The following UBTD2 variants were observed in gnomAD, a reference collection of about 807,000 sequenced individuals.
UBTD2 encodes ubiquitin domain containing 2.
In UBTD2, 9 loss-of-function variants were observed where a neutral mutation model predicts 19.8. The observed-to-expected ratio is 0.46, with a 90% CI of 0.27 to 0.79. UBTD2 has a LOEUF of 0.79. Among genes scored for constraint, UBTD2 ranks in the 30% least tolerant of loss-of-function variants. The pLI is 0.14. For synonymous variants in UBTD2, 98 were observed against 103.9 expected (o/e 0.94, Z 0.35); for missense variants, 250 against 300.4 (o/e 0.83, Z 1.24).
chr5:172,265,824 G>A (rs1329444152), intron 1 of UBTD2, among the ~76,000 whole-genome samples: 3 of 152,072 alleles, frequency 2.0e-5, no homozygotes, highest in African/African-American at 7.2e-5. Flanking sequence ...GGGGGAAGAC[G>A]GGAAGCATAT....
chr5:172,244,239 G>T, intron 1 of UBTD2, among the ~76,000 whole-genome samples: 1 of 148,364 alleles, frequency 6.7e-6, no homozygotes. Context: ...TTAAAAGAAT[G>T]TTAAATTTTA....
chr5:172,232,401 T>C (rs749918344), intron 2 of UBTD2, among the ~76,000 whole-genome samples: 3 of 150,568 alleles, frequency 2.0e-5, no homozygotes, highest in Non-Finnish European at 2.9e-5. Context: ...TATACATGTA[T>C]AGAAAAAGTG....
chr5:172,269,592 C>A (rs180700720), intron 1 of UBTD2, among the ~76,000 whole-genome samples: 1 of 151,710 alleles, frequency 6.6e-6, no homozygotes, highest in Non-Finnish European at 1.5e-5. Flanking sequence ...GAAATTGAGT[C>A]GCACACAGCT....
At chr5:172,268,616 C>T (rs7723837) in intron 1 of UBTD2, among the ~76,000 whole-genome samples, 45,672 of 151,890 alleles carry the variant, frequency 0.3, 6,991 homozygotes, top group South Asian at 0.42. Flanking sequence ...GGCATGGTGG[C>T]GCACACCTGT....
chr5:172,233,960 T>G, intron 2 of UBTD2, among the ~76,000 whole-genome samples, 162 bp downstream of exon 2: 1 of 151,964 alleles, frequency 6.6e-6, no homozygotes, highest in South Asian at 2.1e-4. Flanking sequence ...TGTCTCCAGC[T>G]GAAAGATGTA....
intron 1 of UBTD2, among the ~76,000 whole-genome samples, chr5:172,237,423 A>G (rs1342263425): frequency 6.6e-6 from 1 of 152,204 alleles, no homozygotes; most frequent in African/African-American, 2.4e-5. Context: ...CATGCTGTCA[A>G]AAGTTTCACG....
At position 172,263,849 on chromosome 5, in the gene UBTD2, C is replaced by CTGTGTGTGTGTGTGTGTGTGTGTG. The variant is rs1234224827; in HGVS notation, c.70+19746_70+19747insCACACACACACACACACACACACA. Among the ~76,000 whole-genome samples the CTGTGTGTGTGTGTGTGTGTGTGTG allele has an allele frequency of 8.8e-5, 3 of 34,142 alleles. No homozygotes were observed. In the African/African-American group the frequency reaches 9.0e-4, roughly 10 times the overall value. 22.4% of individuals were successfully genotyped at this position (34,142 alleles called of 152,430 possible). A position where few individuals can be genotyped will look rare whatever the true frequency, so the allele number is the denominator to read the frequency against. ...TCCCCCCAAGATACAATGCACGTGC[C>CTGTGTGTGTGTGTGTGTGTGTGTG]TCTGTGTGTGTGTGTGTGTGTGTGT... On this transcript the variant is annotated intron_variant, in intron 1 of 2. Coordinates refer to ENST00000393792, the MANE Select transcript of UBTD2 (RefSeq NM_152277.3).
rs1288796509 is a variant in UBTD2, at chr5:172,283,502, C to T, written c.70+94G>A. On this transcript the variant is annotated intron_variant, in intron 1 of 2. Transcript: ENST00000393792. The surrounding 1 kb of genome is among the most constrained non-coding windows in gnomAD (Gnocchi z 4.3). ...TGGAAGAGGGGATGACAAAGGGGCG[C>T]GGGGGCCCGGCGCGGCCCGCGGGGG... The T allele has an allele frequency of 4.0e-6, 4 of 999,666 alleles. No homozygotes were observed. Among genetic ancestry groups the T allele is most frequent in the Admixed American group, 4.4e-5 (1 of 22,588 alleles). The allele number at this position is 999,666 out of a possible 1,614,324, so 61.9% of individuals were successfully genotyped here.
At chr5:172,215,399 C>A (rs997205899) in intron 2 of UBTD2, among the ~76,000 whole-genome samples, 1 of 152,152 alleles carries the variant, frequency 6.6e-6, no homozygotes, top group African/African-American at 2.4e-5. Context: ...CCCTTCTAGC[C>A]ATCTTGTCCC....
rs138745959 is a variant in UBTD2, at chr5:172,247,818, A to G, written c.71-13460T>C. 1.8e-3 allele frequency among the ~76,000 whole-genome samples: 279 copies of G among 152,334 alleles called. 3 individuals are homozygous for G. The highest frequency in any genetic ancestry group is 6.5e-3 in the African/African-American group (269 of 41,580). Reference sequence around the variant, plus strand: ...TAAGCAAACTGGAGACTTGAACACTATAAACCAACTAGACTTAACTGACAT... The same window carrying G: ...TAAGCAAACTGGAGACTTGAACACTGTAAACCAACTAGACTTAACTGACAT... On this transcript the variant is annotated intron_variant, in intron 1 of 2. Coordinates refer to ENST00000393792, the MANE Select transcript of UBTD2 (RefSeq NM_152277.3).
chr5:172,221,092 GATAAA>G (rs1771641304), intron 2 of UBTD2, among the ~76,000 whole-genome samples: 1 of 152,174 alleles, frequency 6.6e-6, no homozygotes, highest in South Asian at 2.1e-4. Context: ...AAAAAACCTT[GATAAA>G]ATAATTACTA....
intron 1 of UBTD2, among the ~76,000 whole-genome samples, chr5:172,246,441 C>CT (rs36037402): frequency 0.063 from 5,382 of 85,094 alleles, 301 homozygotes; most frequent in Non-Finnish European, 0.09. Flanking sequence ...ATTGAGATTG[C>CT]TTTTTTTTTT....
At chr5:172,214,478 T>C (rs749354452) in intron 2 of UBTD2, among the ~76,000 whole-genome samples, 7 of 152,222 alleles carry the variant, frequency 4.6e-5, no homozygotes, top group African/African-American at 1.7e-4. Context: ...TCAAGCACAG[T>C]TGTGATCACT....
At chr5:172,231,240 T>C (rs1288249929) in intron 2 of UBTD2, among the ~76,000 whole-genome samples, 3 of 152,148 alleles carry the variant, frequency 2.0e-5, no homozygotes, top group Non-Finnish European at 2.9e-5. Flanking sequence ...CCAAGAAATA[T>C]TGACAAGATT....
In UBTD2 at chr5:172,216,196, A is replaced by C. The variant is rs538576322; in HGVS notation, c.308-3969T>G. ...AACAAAAAACAAATAAACAACAACT[A>C]CAACAAAAAAGCCCAAAAAACCCCA... On this transcript the variant is annotated intron_variant, in intron 2 of 2. Coordinates refer to ENST00000393792, the MANE Select transcript of UBTD2 (RefSeq NM_152277.3). 4.0e-5 allele frequency among the ~76,000 whole-genome samples: 6 copies of C among 151,890 alleles called. No individual in the cohort carries two copies. The South Asian group carries it at 8.3e-4, about 21-fold the overall frequency.
At chr5:172,255,986 G>A (rs58693165) in intron 1 of UBTD2, among the ~76,000 whole-genome samples, 2,279 of 152,210 alleles carry the variant, frequency 0.015, 60 homozygotes, top group African/African-American at 0.052. Context: ...CTACTTGGGA[G>A]GCTGAGGCAG....
upstream of UBTD2, chr5:172,284,054 C>T (rs1052971708): frequency 6.7e-6 from 1 of 149,736 alleles, no homozygotes. Context: ...GACCCATCGG[C>T]CCCCGGCCCG....
chr5:172,271,198 A>G (rs1008567590), intron 1 of UBTD2, among the ~76,000 whole-genome samples: 5 of 152,050 alleles, frequency 3.3e-5, no homozygotes, highest in African/African-American at 1.2e-4. Flanking sequence ...TTGGAGGCCG[A>G]GGCTGGTGGA....
intron 1 of UBTD2, among the ~76,000 whole-genome samples, chr5:172,279,620 T>C (rs1327874647): frequency 6.6e-6 from 1 of 152,228 alleles, no homozygotes; most frequent in Non-Finnish European, 1.5e-5. Flanking sequence ...AGAAGTTACT[T>C]TGTACATCAC....
Sources: allele counts gnomAD v4.1 joint callset (sites outside exome capture counted in the v4.1 genomes callset), GRCh38; gene constraint gnomAD v4.1.1; non-coding constraint Gnocchi (gnomAD v3.1); transcripts MANE v1.5; gene names NCBI Gene and HGNC (gene_info 2026-07-23, HGNC 2026-07-21).